The following PDE1C variants were observed in gnomAD, a reference collection of about 807,000 sequenced individuals.
PDE1C encodes the protein dual specificity calcium/calmodulin-dependent 3',5'-cyclic nucleotide phosphodiesterase 1C.
A neutral mutation model predicts 93.1 loss-of-function variants in PDE1C; 62 were observed. The observed-to-expected ratio is 0.67, with a 90% CI of 0.54 to 0.82. The LOEUF (loss-of-function observed/expected upper bound fraction) is 0.82, where lower values mean the gene tolerates loss of function less well. Ranked by LOEUF, PDE1C falls within the 40% of genes least tolerant of loss-of-function variation. The pLI is 0.00. For missense variants in PDE1C, 742 were observed against 884.6 expected (o/e 0.84, Z 2.04); for synonymous variants, 325 against 310.1 (o/e 1.05, Z -0.50).
chr7:32,089,026 G>A lies in PDE1C; in HGVS notation c.308+80759C>T, dbSNP rs138122095. ...ATATTTTTCAGCTATCTGAGTAATTGAACAGTTGCCAAAATATAGCTCTCA... is the reference window on the plus strand; with the variant it reads ...ATATTTTTCAGCTATCTGAGTAATTAAACAGTTGCCAAAATATAGCTCTCA... On this transcript the variant is annotated intron_variant, in intron 3 of 18. Coordinates refer to the PDE1C transcript ENST00000396193. Among the ~76,000 whole-genome samples, 160 of 152,240 alleles carry A rather than the reference G, an allele frequency of 1.1e-3. No individual in the cohort carries two copies. The Middle Eastern group carries it at 0.014, about 13-fold the overall frequency.
chr7:31,851,101 T>TTA (rs1793287878), intron 7 of PDE1C, among the ~76,000 whole-genome samples: 1 of 150,242 alleles, frequency 6.7e-6, no homozygotes, highest in African/African-American at 2.5e-5. Flanking sequence ...CACACACACA[T>TTA]AAAAAAATTA....
the PDE1C span, among the ~76,000 whole-genome samples, chr7:31,705,624 C>G: frequency 6.6e-6 from 1 of 152,186 alleles, no homozygotes; most frequent in Admixed American, 6.5e-5. Context: ...AAGATCAACA[C>G]ATAGTTTTCA....
At chr7:32,385,329 C>A (rs914318967) in intron 1 of PDE1C, among the ~76,000 whole-genome samples, 10 of 152,176 alleles carry the variant, frequency 6.6e-5, no homozygotes, top group African/African-American at 2.4e-4. Flanking sequence ...GAGCCTTAGG[C>A]AGGAAGGTTT....
chr7:32,007,519 C>T (rs1476875261), intron 2 of PDE1C, among the ~76,000 whole-genome samples: 1 of 152,166 alleles, frequency 6.6e-6, no homozygotes, highest in Non-Finnish European at 1.5e-5. Flanking sequence ...TTTAAAATAT[C>T]ATGGAGGCTT....
At chr7:31,983,073 C>A (rs1274040310) in intron 2 of PDE1C, among the ~76,000 whole-genome samples, 3 of 152,198 alleles carry the variant, frequency 2.0e-5, no homozygotes, top group Admixed American at 1.3e-4. Flanking sequence ...CTGACATGTA[C>A]TAGAATAGCA....
intron 1 of PDE1C, among the ~76,000 whole-genome samples, chr7:32,261,712 C>T (rs980699218): frequency 3.3e-5 from 5 of 152,058 alleles, no homozygotes; most frequent in African/African-American, 1.2e-4. Flanking sequence ...TTGAACCTGC[C>T]CAGAAGTGTC....
intron 3 of PDE1C, among the ~76,000 whole-genome samples, chr7:32,162,900 C>T (rs1050346802): frequency 4.6e-5 from 7 of 152,010 alleles, no homozygotes; most frequent in Admixed American, 2.0e-4. Context: ...ATGGTGTCTA[C>T]CTCATATATA....
chr7:31,770,841 G>C (rs34033575), intron 17 of PDE1C, among the ~76,000 whole-genome samples: 2,147 of 152,076 alleles, frequency 0.014, 24 homozygotes, highest in Non-Finnish European at 0.022. Context: ...TCATTTTTTT[G>C]ATATGGTTCC....
chr7:32,113,489 C>T (rs62458876), intron 3 of PDE1C, among the ~76,000 whole-genome samples: 30,544 of 150,828 alleles, frequency 0.2, 3,749 homozygotes, highest in Middle Eastern at 0.31. Context: ...TTAAAAATAA[C>T]TGTCCTTTTA....
intron 2 of PDE1C, among the ~76,000 whole-genome samples, chr7:32,040,407 C>T (rs1455687802): frequency 2.0e-5 from 3 of 152,138 alleles, no homozygotes; most frequent in Non-Finnish European, 4.4e-5. Flanking sequence ...TATCCATGGT[C>T]TCTATTCACT....
At chr7:32,311,853 C>G (rs28844920) in intron 1 of PDE1C, among the ~76,000 whole-genome samples, 11,364 of 152,116 alleles carry the variant, frequency 0.075, 498 homozygotes, top group East Asian at 0.12. Context: ...ACAAGACAGG[C>G]ATGCCCTCTC....
chr7:31,843,601 T>C (rs573761382), intron 9 of PDE1C, among the ~76,000 whole-genome samples: 6 of 152,026 alleles, frequency 3.9e-5, no homozygotes, highest in Admixed American at 6.6e-5. Flanking sequence ...TCTTGTACAA[T>C]TGCAGTTGGA....
intron 11 of PDE1C, among the ~76,000 whole-genome samples, chr7:31,831,003 G>C (rs147133004): frequency 6.6e-6 from 1 of 152,160 alleles, no homozygotes; most frequent in Non-Finnish European, 1.5e-5. Flanking sequence ...AGAGACAAGG[G>C]CTCCATCTGT....
chr7:31,843,561 CT>C (rs1295645329), intron 9 of PDE1C, among the ~76,000 whole-genome samples: 3 of 151,786 alleles, frequency 2.0e-5, no homozygotes, highest in African/African-American at 7.2e-5. Context: ...TACTTTGAAC[CT>C]TTTTGTGTAT....
intron 1 of PDE1C, among the ~76,000 whole-genome samples, chr7:32,365,392 C>T (rs893814505): frequency 1.3e-5 from 2 of 152,132 alleles, no homozygotes; most frequent in African/African-American, 4.8e-5. Context: ...GAGAAACAGC[C>T]CAGGGACTGT....
At chr7:32,023,923 T>A in intron 2 of PDE1C, among the ~76,000 whole-genome samples, 1 of 152,248 alleles carries the variant, frequency 6.6e-6, no homozygotes, top group East Asian at 1.9e-4. Flanking sequence ...AAAAGCTCTA[T>A]GGATAATATC....
intron 2 of PDE1C, among the ~76,000 whole-genome samples, chr7:32,203,075 C>A (rs188492928): frequency 2.8e-4 from 43 of 152,104 alleles, no homozygotes; most frequent in Middle Eastern, 3.4e-3. Context: ...TGCCATAGCA[C>A]CCTACATGTA....
At chr7:32,115,765 C>A (rs1381914380) in intron 3 of PDE1C, among the ~76,000 whole-genome samples, 1 of 152,174 alleles carries the variant, frequency 6.6e-6, no homozygotes, top group African/African-American at 2.4e-5. Context: ...TCCCCAATTC[C>A]TTTGCCCTTT....
intron 1 of PDE1C, among the ~76,000 whole-genome samples, chr7:32,277,911 C>G (rs1811383452): frequency 6.6e-6 from 1 of 152,104 alleles, no homozygotes; most frequent in South Asian, 2.1e-4. Flanking sequence ...TTGGCTTGTC[C>G]ATGTTCAGAG....
Sources: gnomAD v4.1 joint callset for allele counts (sites outside exome capture counted in the v4.1 genomes callset) on GRCh38, gnomAD v4.1.1 for gene constraint, MANE v1.5 for transcripts, NCBI Gene and HGNC (gene_info 2026-07-23, HGNC 2026-07-21) for gene names.